Variants in PAXIP1 observed in about 807,000 individuals in gnomAD.
PAXIP1 encodes the protein PAX interacting protein 1, also known as PAX-interacting protein 1.
A neutral mutation model predicts 140.6 loss-of-function variants in PAXIP1; 19 were observed. That is an observed-to-expected ratio of 0.14 (90% CI 0.09 to 0.20). The LOEUF (loss-of-function observed/expected upper bound fraction) is 0.20, where lower values mean the gene tolerates loss of function less well. Among genes scored for constraint, PAXIP1 ranks in the 10% least tolerant of loss-of-function variants. The pLI is 1.00. For synonymous variants in PAXIP1, 442 were observed against 444.6 expected, an observed-to-expected ratio of 0.99 and a Z score of 0.07; for missense variants, 920 against 1,208.6, an observed-to-expected ratio of 0.76 and a Z score of 3.54.
intron 5 of PAXIP1, among the ~76,000 whole-genome samples, chr7:154,981,979 G>A (rs567397920): frequency 6.6e-6 from 1 of 152,158 alleles, no homozygotes; most frequent in African/African-American, 2.4e-5. Context: ...ATTCAAAACC[G>A]CTTTGACAAA....
chr7:154,980,958 T>TA (rs1809812060), intron 5 of PAXIP1, among the ~76,000 whole-genome samples: 1 of 151,998 alleles, frequency 6.6e-6, no homozygotes, highest in Non-Finnish European at 1.5e-5. Context: ...TGGTTTCTAC[T>TA]AAAAATACAA....
chr7:154,974,288 T>C (rs1211480683), intron 6 of PAXIP1: 1 of 152,254 alleles, frequency 6.6e-6, no homozygotes, highest in Non-Finnish European at 1.5e-5. Flanking sequence ...GGGGCCTCTC[T>C]GCTTCACTCT....
chr7:154,979,141 T>G (rs1169010360), intron 5 of PAXIP1, among the ~76,000 whole-genome samples: 1 of 152,216 alleles, frequency 6.6e-6, no homozygotes, highest in Non-Finnish European at 1.5e-5. Context: ...ATTTATCAGC[T>G]AAATTATTCT....
At chr7:154,964,376 A>G (rs1333005828) in intron 8 of PAXIP1, 1 of 152,256 alleles carries the variant, frequency 6.6e-6, no homozygotes, top group African/African-American at 2.4e-5. Context: ...TGTACATGGA[A>G]AAAGGAGAAT....
At position 154,946,892 on chromosome 7, in the gene PAXIP1, C is replaced by T; in HGVS notation, c.2923-79G>A. The stretch of plus-strand genomic sequence containing the variant: ...GAGTACATAATTCTCATAGATTCTG[C>T]CCTGAGATTTTTGACAAAATTTCAA... On this transcript the variant is annotated intron_variant, in intron 17 of 20. Transcript: ENST00000404141. The surrounding 1 kb of genome is among the most constrained non-coding windows in gnomAD (Gnocchi z 4.9). 1.7e-6 allele frequency: 2 copies of T among 1,163,052 alleles called. No individual in the cohort carries two copies. The highest frequency in any genetic ancestry group is 2.4e-6 in the Non-Finnish European group (2 of 833,116). The allele number at this position is 1,163,052 out of a possible 1,614,324, so 72.0% of individuals were successfully genotyped here.
At position 154,968,959 on chromosome 7, in the gene PAXIP1, GTGCTGCTGC is replaced by G. The variant is rs555344614; in HGVS notation, c.1233_1241del (p.Gln411_Gln413del). 1 of 1,476,864 alleles carries G rather than the reference GTGCTGCTGC, an allele frequency of 6.8e-7. No individual in the cohort carries two copies. The highest frequency in any genetic ancestry group is 9.2e-7 in the Non-Finnish European group (1 of 1,090,926). The allele number at this position is 1,476,864 out of a possible 1,614,324, so 91.5% of individuals were successfully genotyped here. A position where few individuals can be genotyped will look rare whatever the true frequency, so the allele number is the denominator to read the frequency against. On this transcript the variant is annotated inframe_deletion, in exon 7 of 21. Coordinates refer to ENST00000404141, the MANE Select transcript of PAXIP1 (RefSeq NM_007349.4). Reference sequence around the variant, plus strand: ...GCTGGGGCTGAAGGTGTAAAACCGGGTGCTGCTGCTGCTGCTGCTGGGCCTGCTGCTGCT... The same window carrying G: ...GCTGGGGCTGAAGGTGTAAAACCGGGTGCTGCTGCTGGGCCTGCTGCTGCT...
At chr7:154,993,982 A>G (rs1007514010) in intron 2 of PAXIP1, among the ~76,000 whole-genome samples, 2 of 152,196 alleles carry the variant, frequency 1.3e-5, no homozygotes, top group African/African-American at 4.8e-5. Context: ...AAGCACTACC[A>G]TATTTTTTTA....
At position 154,976,290 on chromosome 7, in the gene PAXIP1, A is replaced by G; in HGVS notation, c.480T>C (p.Ile160=). 1 of 1,609,844 alleles carries G rather than the reference A, an allele frequency of 6.2e-7. No individual in the cohort carries two copies. Among genetic ancestry groups the G allele is most frequent in the Middle Eastern group, 1.7e-4 (1 of 6,040 alleles). Reference sequence around the variant, plus strand: ...AATCCAGAACCCAGTCAGGAGTCACAATTTTAATACTTGCTCGCTTTAAAG... The same window carrying G: ...AATCCAGAACCCAGTCAGGAGTCACGATTTTAATACTTGCTCGCTTTAAAG... ...ECALKRASIK[I]VTPDWVLDCV... Residue 160 remains isoleucine (I), a synonymous_variant, in exon 6 of 21, where the codon ATT becomes ATC. Coordinates refer to ENST00000404141, the MANE Select transcript of PAXIP1 (RefSeq NM_007349.4).
At position 154,991,191 on chromosome 7, in the gene PAXIP1, T is replaced by C. The variant is rs1269271952; in HGVS notation, c.261-122A>G. 22 of 555,248 alleles carry C rather than the reference T, an allele frequency of 4.0e-5. No individual in the cohort carries two copies. In the East Asian group the frequency reaches 4.5e-4, roughly 11 times the overall value. The allele number at this position is 555,248 out of a possible 1,614,324, so 34.4% of individuals were successfully genotyped here. A position where few individuals can be genotyped will look rare whatever the true frequency, so the allele number is the denominator to read the frequency against. ...ATTTAAGAAAGAGACAGACTTAAGATAGACAAAGAAGAGTACAGGGCAGAG... is the reference window on the plus strand; with the variant it reads ...ATTTAAGAAAGAGACAGACTTAAGACAGACAAAGAAGAGTACAGGGCAGAG... On this transcript the variant is annotated intron_variant, in intron 3 of 20. Coordinates refer to ENST00000404141, the MANE Select transcript of PAXIP1 (RefSeq NM_007349.4).
intron 10 of PAXIP1, among the ~76,000 whole-genome samples, chr7:154,962,104 T>C (rs1324501425): frequency 6.6e-6 from 1 of 152,242 alleles, no homozygotes; most frequent in African/African-American, 2.4e-5. Flanking sequence ...GGAGAATCCA[T>C]TAAATATCTA....
intron 2 of PAXIP1, among the ~76,000 whole-genome samples, chr7:154,995,007 G>A (rs962891570): frequency 3.3e-5 from 5 of 152,138 alleles, no homozygotes; most frequent in African/African-American, 1.2e-4. Flanking sequence ...TGACACTTCT[G>A]AATTCAGAAC....
rs553292849 is a variant in PAXIP1 at position 154,989,111 on chromosome 7, C to T, written c.324+1895G>A. Among the ~76,000 whole-genome samples, 139 of 152,328 alleles carry T rather than the reference C, an allele frequency of 9.1e-4. 1 individual carries two copies. The South Asian group carries it at 0.028, about 30-fold the overall frequency. On this transcript the variant is annotated intron_variant, in intron 4 of 20. Coordinates refer to ENST00000404141, the MANE Select transcript of PAXIP1 (RefSeq NM_007349.4). ...AGAAAAAAATAAGCCAATTTTGCTA[C>T]TTGAAGGATCTCCATCAAATTAATG...
intron 2 of PAXIP1, among the ~76,000 whole-genome samples, chr7:154,994,596 G>A (rs2150785569): frequency 6.6e-6 from 1 of 152,324 alleles, no homozygotes; most frequent in East Asian, 1.9e-4. Context: ...TCTCCTGCAA[G>A]TCATATTCCA....
intron 6 of PAXIP1, chr7:154,974,463 T>A (rs1351823921): frequency 6.6e-6 from 1 of 152,240 alleles, no homozygotes; most frequent in East Asian, 1.9e-4. Flanking sequence ...TCAAATTTCA[T>A]TAACTTTCTT....
At chr7:154,948,661 G>A (rs73492061) in intron 16 of PAXIP1, 2 of 150,064 alleles carry the variant, frequency 1.3e-5, no homozygotes, top group East Asian at 1.9e-4. Flanking sequence ...TTTACCCCCC[G>A]ACTATTTTAG....
In PAXIP1 at chr7:154,975,827, C is replaced by T; in HGVS notation, c.943G>A (p.Ala315Thr). 6.2e-7 allele frequency: 1 copy of T among 1,613,960 alleles called. No homozygotes were observed. The highest frequency in any genetic ancestry group is 1.1e-5 in the South Asian group (1 of 91,084). The change falls in exon 6 of 21, where the codon GCT (alanine) becomes ACT (threonine). Residue 315 changes from alanine to threonine, a missense_variant. Around this residue, in one of 5 missense-constraint regions of PAXIP1, gnomAD observed 419 missense variants for 514.7 expected, o/e 0.81. Coordinates refer to ENST00000404141, the MANE Select transcript of PAXIP1 (RefSeq NM_007349.4). ...TCAGAACTTTGGAGGTTTTGTCCAG[C>T]AGCCATTAAATTACCCCGGACCTCA... ...PPEVRGNLMA[A>T]GQNLQSSERS... is the part of the protein sequence containing the mutation.
intron 10 of PAXIP1, 138 bp downstream of exon 10, chr7:154,962,183 C>T: frequency 1.2e-6 from 1 of 833,002 alleles, no homozygotes; most frequent in Non-Finnish European, 1.9e-6. Context: ...TGAGCAGGCA[C>T]TTATGAACTG....
chr7:154,959,763 GGAGTA>G, intron 13 of PAXIP1, 122 bp downstream of exon 13: 1 of 681,256 alleles, frequency 1.5e-6, no homozygotes, highest in Non-Finnish European at 2.6e-6. Flanking sequence ...AGGATTTACT[GGAGTA>G]GATAATTCGT....
rs1158884815 is a variant in PAXIP1 at position 154,943,965 on chromosome 7, A to G, written c.*184T>C. 1 of 655,198 alleles carries G rather than the reference A, an allele frequency of 1.5e-6. No individual in the cohort carries two copies. The highest frequency in any genetic ancestry group is 2.9e-6 in the Non-Finnish European group (1 of 347,690). 40.6% of individuals were successfully genotyped at this position (655,198 alleles called of 1,614,324 possible). A position where few individuals can be genotyped will look rare whatever the true frequency, so the allele number is the denominator to read the frequency against. On this transcript the variant is annotated 3_prime_UTR_variant, in exon 21 of 21. Transcript: ENST00000404141. ...AAAACATAATTTATGTTTCCTCAGA[A>G]TAAAATTGCACATCTTAAAAAGATG...
Sources: gnomAD v4.1 joint callset for allele counts (sites outside exome capture counted in the v4.1 genomes callset) on GRCh38, gnomAD v4.1.1 for gene constraint, gnomAD v4.1.1 regional missense constraint, Gnocchi (gnomAD v3.1) non-coding constraint, MANE v1.5 for transcripts, NCBI Gene and HGNC (gene_info 2026-07-23, HGNC 2026-07-21) for gene names.